GALNTL6: variants seen among roughly 807,000 people sequenced by gnomAD.
GALNTL6 encodes the protein polypeptide N-acetylgalactosaminyltransferase like 6, also known as polypeptide N-acetylgalactosaminyltransferase-like 6.
GALNTL6 carries 46 observed loss-of-function variants against 73.7 expected under a neutral mutation model. The observed-to-expected ratio is 0.62, with a 90% CI of 0.49 to 0.80. The LOEUF (loss-of-function observed/expected upper bound fraction) is 0.80. GALNTL6 is among the 30% of genes least tolerant of loss of function. GALNTL6 has a pLI of 0.00. For synonymous variants in GALNTL6, 259 were observed against 263.7 expected (o/e 0.98, Z 0.17); for missense variants, 604 against 755.0 (o/e 0.80, Z 2.34).
chr4:172,308,002 ACTTTTTT>A (rs1740206003), intron 3 of GALNTL6, among the ~76,000 whole-genome samples: 1 of 16,272 alleles, frequency 6.1e-5, no homozygotes, highest in African/African-American at 1.3e-4. Context: ...ATGTGTTTTA[ACTTTTTT>A]TTTTTTTTTT....
chr4:172,546,355 C>G (rs901158015), intron 5 of GALNTL6, among the ~76,000 whole-genome samples: 4 of 152,066 alleles, frequency 2.6e-5, no homozygotes, highest in Admixed American at 6.6e-5. Context: ...AAATAGTGAT[C>G]AAATTTCTAC....
chr4:172,263,662 T>A (rs959278289), intron 3 of GALNTL6, among the ~76,000 whole-genome samples: 1 of 151,758 alleles, frequency 6.6e-6, no homozygotes, highest in East Asian at 1.9e-4. Context: ...ATATTTCTGA[T>A]TTATATCTAT....
At chr4:172,954,771 G>T (rs1270673082) in intron 10 of GALNTL6, among the ~76,000 whole-genome samples, 1 of 152,048 alleles carries the variant, frequency 6.6e-6, no homozygotes, top group African/African-American at 2.4e-5. Flanking sequence ...CCCGGCAACA[G>T]ATTTTTTTTT....
At chr4:172,406,928 A>G (rs1404988858) in intron 5 of GALNTL6, among the ~76,000 whole-genome samples, 1 of 152,022 alleles carries the variant, frequency 6.6e-6, no homozygotes, top group East Asian at 1.9e-4. Context: ...ATTAACGTCC[A>G]GTTTATCTTG....
chr4:172,594,034 T>G (rs1327603647), intron 5 of GALNTL6, among the ~76,000 whole-genome samples: 1 of 152,180 alleles, frequency 6.6e-6, no homozygotes, highest in Non-Finnish European at 1.5e-5. Context: ...GAGATAACTT[T>G]AAGTGTTTAA....
chr4:172,968,494 C>G (rs1253551964), intron 10 of GALNTL6, among the ~76,000 whole-genome samples: 1 of 152,174 alleles, frequency 6.6e-6, no homozygotes, highest in Non-Finnish European at 1.5e-5. Flanking sequence ...AAGACAGAGA[C>G]TCATCCTCTC....
At chr4:172,209,928 T>G (rs557150875) in intron 2 of GALNTL6, among the ~76,000 whole-genome samples, 7 of 152,208 alleles carry the variant, frequency 4.6e-5, no homozygotes, top group African/African-American at 1.7e-4. Context: ...TTTATCATCA[T>G]CTAAATGCAA....
chr4:171,932,464 A>C (rs1738218141), intron 2 of GALNTL6, among the ~76,000 whole-genome samples: 1 of 152,180 alleles, frequency 6.6e-6, no homozygotes, highest in Admixed American at 6.5e-5. Flanking sequence ...GCTGGAAGCC[A>C]GTGGGCCCGC....
At chr4:172,237,734 G>A (rs1377422427) in intron 3 of GALNTL6, among the ~76,000 whole-genome samples, 1 of 152,070 alleles carries the variant, frequency 6.6e-6, no homozygotes, top group African/African-American at 2.4e-5. Context: ...TTACATTTGA[G>A]TCTTTAATCC....
Position 172,258,774 on chromosome 4 carries a change from T to A in GALNTL6, c.247+29010T>A, listed in dbSNP as rs983345484. Among the ~76,000 whole-genome samples, 6 of 151,206 alleles carry A rather than the reference T, an allele frequency of 4.0e-5. No homozygotes were observed. The East Asian group carries it at 9.7e-4, about 24-fold the overall frequency. ...CCCATCATTCCTGTTGTGTCCCCAA[T>A]GTCCATTATATCATTCTTATGCCTC... On this transcript the variant is annotated intron_variant, in intron 3 of 12. Transcript: ENST00000506823.
At chr4:172,817,507 G>C (rs569998462) in intron 7 of GALNTL6, among the ~76,000 whole-genome samples, 1 of 152,228 alleles carries the variant, frequency 6.6e-6, no homozygotes, top group South Asian at 2.1e-4. Context: ...CTTTCTGGTG[G>C]CTTTTATCAT....
intron 5 of GALNTL6, among the ~76,000 whole-genome samples, chr4:172,602,865 T>C (rs1236166482): frequency 6.6e-6 from 1 of 152,154 alleles, no homozygotes; most frequent in African/African-American, 2.4e-5. Flanking sequence ...ACAAATTATA[T>C]TCATACAATA....
At chr4:172,516,681 G>T (rs1033675121) in intron 5 of GALNTL6, among the ~76,000 whole-genome samples, 1 of 151,960 alleles carries the variant, frequency 6.6e-6, no homozygotes, top group African/African-American at 2.4e-5. Context: ...TTACTTCTAT[G>T]TATATACATC....
chr4:172,367,873 T>C (rs1157080331), intron 5 of GALNTL6, among the ~76,000 whole-genome samples: 2 of 152,214 alleles, frequency 1.3e-5, no homozygotes, highest in African/African-American at 4.8e-5. Context: ...CTTATAAGGT[T>C]AATGTAAATT....
intron 2 of GALNTL6, among the ~76,000 whole-genome samples, chr4:172,010,738 G>A (rs768776430): frequency 1.3e-5 from 2 of 152,000 alleles, no homozygotes; most frequent in Non-Finnish European, 2.9e-5. Context: ...AACACTATCA[G>A]TGTCTTCTAC....
intron 5 of GALNTL6, among the ~76,000 whole-genome samples, chr4:172,803,209 C>T (rs563005738): frequency 8.5e-5 from 13 of 152,252 alleles, no homozygotes; most frequent in East Asian, 5.8e-4. Context: ...CCCTAGGCAG[C>T]GGACCAGTAC....
chr4:172,087,444 C>A (rs373509871), intron 2 of GALNTL6, among the ~76,000 whole-genome samples: 40,116 of 100,116 alleles, frequency 0.4, 7,311 homozygotes, highest in East Asian at 0.57. Flanking sequence ...GACTCCATCC[C>A]AAAAAAAAAA....
At chr4:172,353,981 A>C (rs1742058222) in intron 5 of GALNTL6, among the ~76,000 whole-genome samples, 1 of 152,184 alleles carries the variant, frequency 6.6e-6, no homozygotes, top group Non-Finnish European at 1.5e-5. Context: ...AGACAAATCA[A>C]TCAGCACAAG....
At chr4:171,910,850 A>G (rs1256105965) in intron 2 of GALNTL6, among the ~76,000 whole-genome samples, 1 of 152,174 alleles carries the variant, frequency 6.6e-6, no homozygotes, top group Non-Finnish European at 1.5e-5. Context: ...ATACCATGTT[A>G]ATGGCATATA....
Sources: gnomAD v4.1 joint callset for allele counts (sites outside exome capture counted in the v4.1 genomes callset) on GRCh38, gnomAD v4.1.1 for gene constraint, MANE v1.5 for transcripts, NCBI Gene and HGNC (gene_info 2026-07-23, HGNC 2026-07-21) for gene names.